PCDH9: variants seen among roughly 807,000 people sequenced by gnomAD.
PCDH9 encodes the protein protocadherin 9, also known as protocadherin-9.
A neutral mutation model predicts 70.6 loss-of-function variants in PCDH9; 24 were observed. The ratio of observed to expected loss-of-function variants is 0.34; its 90% CI spans 0.25 to 0.48. The LOEUF is 0.48. PCDH9 is among the 20% of genes least tolerant of loss of function. The pLI, the probability that PCDH9 is intolerant of heterozygous loss-of-function variation, is 0.99. For synonymous variants in PCDH9, 562 were observed against 558.5 expected, an observed-to-expected ratio of 1.01 and a Z score of -0.09; for missense variants, 1,281 against 1,503.6, an observed-to-expected ratio of 0.85 and a Z score of 2.45.
At chr13:66,435,916 T>C (rs1957861038) in intron 4 of PCDH9, among the ~76,000 whole-genome samples, 1 of 152,120 alleles carries the variant, frequency 6.6e-6, no homozygotes, top group African/African-American at 2.4e-5. Flanking sequence ...ATCTTGAGAC[T>C]CTGGATATCA....
At chr13:66,790,815 A>T (rs908742479) in intron 3 of PCDH9, among the ~76,000 whole-genome samples, 3 of 152,102 alleles carry the variant, frequency 2.0e-5, no homozygotes, top group Non-Finnish European at 4.4e-5. Context: ...ATGAAACTTT[A>T]TACAGGATTA....
chr13:66,380,987 C>CA (rs1056209511), intron 4 of PCDH9, among the ~76,000 whole-genome samples: 9 of 152,004 alleles, frequency 5.9e-5, no homozygotes, highest in Middle Eastern at 3.4e-3. Context: ...AAGAGACACA[C>CA]AAAAAAAGTG....
chr13:67,184,966 C>T (rs574874332), intron 2 of PCDH9, among the ~76,000 whole-genome samples: 4 of 152,196 alleles, frequency 2.6e-5, no homozygotes, highest in Non-Finnish European at 4.4e-5. Flanking sequence ...ACAGAATCTC[C>T]GTACTACATA....
chr13:66,411,858 G>C (rs1957376287), intron 4 of PCDH9, among the ~76,000 whole-genome samples: 1 of 152,156 alleles, frequency 6.6e-6, no homozygotes, highest in Non-Finnish European at 1.5e-5. Context: ...ATGTACCAAA[G>C]AATATCAAAA....
At chr13:66,431,444 T>C (rs1484025695) in intron 4 of PCDH9, among the ~76,000 whole-genome samples, 2 of 151,958 alleles carry the variant, frequency 1.3e-5, no homozygotes, top group Admixed American at 1.3e-4. Context: ...AAAGAATCTG[T>C]TTTGATTCCA....
At chr13:66,697,823 A>G (rs2078584697) in intron 3 of PCDH9, among the ~76,000 whole-genome samples, 1 of 152,194 alleles carries the variant, frequency 6.6e-6, no homozygotes, top group Non-Finnish European at 1.5e-5. Flanking sequence ...CTATTTGTAT[A>G]CTACTGTTCA....
intron 4 of PCDH9, among the ~76,000 whole-genome samples, chr13:66,447,927 A>C (rs1958128272): frequency 6.6e-6 from 1 of 152,162 alleles, no homozygotes; most frequent in Non-Finnish European, 1.5e-5. Context: ...GAGTTCTTTC[A>C]GTTTGGAGAA....
chr13:67,144,743 A>T (rs529817245), intron 2 of PCDH9, among the ~76,000 whole-genome samples: 17 of 152,290 alleles, frequency 1.1e-4, no homozygotes, highest in African/African-American at 3.6e-4. Flanking sequence ...TATGGATGAA[A>T]GGTGAGTATG....
At chr13:66,929,336 T>TA (rs1406543769) in intron 2 of PCDH9, among the ~76,000 whole-genome samples, 1 of 151,936 alleles carries the variant, frequency 6.6e-6, no homozygotes, top group Non-Finnish European at 1.5e-5. Context: ...TTTTTATATA[T>TA]TTTTTAGATG....
intron 3 of PCDH9, among the ~76,000 whole-genome samples, chr13:66,868,506 C>A (rs2081614237): frequency 1.3e-5 from 2 of 151,408 alleles, no homozygotes; most frequent in East Asian, 1.9e-4. Flanking sequence ...TGAGGAACAT[C>A]AACCATGTGC....
chr13:66,648,418 G>A (rs2077802020), intron 3 of PCDH9, among the ~76,000 whole-genome samples: 1 of 152,234 alleles, frequency 6.6e-6, no homozygotes, highest in African/African-American at 2.4e-5. Context: ...TTTTCTGCCT[G>A]TAATCCAGAG....
chr13:66,727,509 C>T (rs111403941), intron 3 of PCDH9, among the ~76,000 whole-genome samples: 2,574 of 151,974 alleles, frequency 0.017, 81 homozygotes, highest in African/African-American at 0.059. Flanking sequence ...AAAAATGCCA[C>T]TAGAGTCTGC....
chr13:67,208,057 AT>A (rs1247498302), intron 2 of PCDH9: 1 of 152,164 alleles, frequency 6.6e-6, no homozygotes. Flanking sequence ...TACAGAACTG[AT>A]TCGATTAATC....
chr13:66,350,880 A>G (rs1422743343), intron 4 of PCDH9, among the ~76,000 whole-genome samples: 2 of 152,308 alleles, frequency 1.3e-5, no homozygotes, highest in East Asian at 1.9e-4. Flanking sequence ...TCTCAGGATC[A>G]TTGAGAATGC....
In PCDH9 at chr13:66,684,576, C is replaced by T. The variant is rs577756099; in HGVS notation, c.3139-53165G>A. On this transcript the variant is annotated intron_variant, in intron 3 of 4. Transcript: ENST00000377865. ...GGGGCTTTCCCCCTTTCACTTGGCA[C>T]TTCTCCTTCCTGCCTTCACATGAAG... 9.9e-5 allele frequency among the ~76,000 whole-genome samples: 15 copies of T among 152,230 alleles called. No individual in the cohort carries two copies. The South Asian group carries it at 3.1e-3, about 32-fold the overall frequency.
At chr13:66,781,695 T>C (rs1337095315) in intron 3 of PCDH9, among the ~76,000 whole-genome samples, 2 of 152,158 alleles carry the variant, frequency 1.3e-5, no homozygotes, top group African/African-American at 2.4e-5. Flanking sequence ...AGAAAAAACA[T>C]ATAAATTCAT....
intron 3 of PCDH9, among the ~76,000 whole-genome samples, chr13:66,786,336 C>T (rs1365898133): frequency 6.6e-6 from 1 of 152,128 alleles, no homozygotes; most frequent in Admixed American, 6.5e-5. Context: ...AAGAATTAGG[C>T]CCATTATGCA....
intron 3 of PCDH9, among the ~76,000 whole-genome samples, chr13:66,757,038 T>C (rs534657395): frequency 6.6e-6 from 1 of 152,216 alleles, no homozygotes; most frequent in African/African-American, 2.4e-5. Flanking sequence ...GGTTTCACCA[T>C]GTTGGGCAGC....
chr13:66,313,957 A>T (rs1955607257), intron 4 of PCDH9, among the ~76,000 whole-genome samples: 1 of 152,220 alleles, frequency 6.6e-6, no homozygotes, highest in Admixed American at 6.5e-5. Context: ...TCAGATATGG[A>T]ATCCATGTGA....
Sources: allele counts gnomAD v4.1 joint callset (sites outside exome capture counted in the v4.1 genomes callset), GRCh38; gene constraint gnomAD v4.1.1; transcripts MANE v1.5; gene names NCBI Gene and HGNC (gene_info 2026-07-23, HGNC 2026-07-21).